ADAMTS10: variants seen among roughly 807,000 people sequenced by gnomAD.
The protein encoded by ADAMTS10 is A disintegrin and metalloproteinase with thrombospondin motifs 10.
In ADAMTS10, 48 loss-of-function variants were observed where a neutral mutation model predicts 135.9. The ratio of observed to expected loss-of-function variants is 0.35; its 90% CI spans 0.28 to 0.45. The LOEUF is 0.45. ADAMTS10 is among the 20% of genes least tolerant of loss of function. ADAMTS10 has a pLI of 1.00. For missense variants in ADAMTS10, 1,131 were observed against 1,565.2 expected (o/e 0.72, Z 4.68); for synonymous variants, 621 against 647.5 (o/e 0.96, Z 0.62).
Position 8,605,523 on chromosome 19 carries a change from GACCCCCA to G in ADAMTS10, c.88+93_88+99del. 1 of 1,267,188 alleles carries G rather than the reference GACCCCCA, an allele frequency of 7.9e-7. No individual in the cohort carries two copies. Among genetic ancestry groups the G allele is most frequent in the Non-Finnish European group, 1.1e-6 (1 of 904,904 alleles). 78.5% of individuals were successfully genotyped at this position (1,267,188 alleles called of 1,614,324 possible). On this transcript the variant is annotated intron_variant, in intron 3 of 25. Transcript: ENST00000597188. The surrounding 1 kb of genome is among the most constrained non-coding windows in gnomAD (Gnocchi z 7.7). ...ATTGACCCCAGGGCCTTCCCCCATTGACCCCCATCCCAGCCCCCTGATGCCTCTTTCT... is the reference window on the plus strand; with the variant it reads ...ATTGACCCCAGGGCCTTCCCCCATTGTCCCAGCCCCCTGATGCCTCTTTCT...
intron 1 of ADAMTS10, among the ~76,000 whole-genome samples, chr19:8,608,571 T>C (rs750521395): frequency 2.0e-5 from 3 of 152,056 alleles, no homozygotes; most frequent in South Asian, 4.1e-4. Flanking sequence ...AACATTCTCA[T>C]TGCAAGTGAA....
At chr19:8,594,349 A>G (rs1221599239) in intron 12 of ADAMTS10, among the ~76,000 whole-genome samples, 16 of 152,312 alleles carry the variant, frequency 1.1e-4, no homozygotes. Flanking sequence ...ACTTGCACCA[A>G]TGCCATTATG....
chr19:8,591,113 T>A (rs1013654203), intron 15 of ADAMTS10, among the ~76,000 whole-genome samples: 1 of 152,014 alleles, frequency 6.6e-6, no homozygotes, highest in Non-Finnish European at 1.5e-5. Flanking sequence ...CAGACACCTG[T>A]CACTGGGTTT....
intron 2 of ADAMTS10, among the ~76,000 whole-genome samples, chr19:8,607,837 A>T: frequency 6.8e-6 from 1 of 146,090 alleles, no homozygotes. Context: ...TTTGAGACGG[A>T]GTCTCACTCT....
intron 13 of ADAMTS10, 22 bp downstream of exon 13, chr19:8,592,741 G>A (rs553894104): frequency 3.7e-6 from 6 of 1,600,484 alleles, no homozygotes; most frequent in South Asian, 3.3e-5. Context: ...TGGCCCAGTT[G>A]GGGGCCCTGG....
rs1198012905 is a variant in ADAMTS10, at chr19:8,595,521, A to G, written c.1479+241T>C. On this transcript the variant is annotated intron_variant, in intron 12 of 25. Coordinates refer to ENST00000597188, the MANE Select transcript of ADAMTS10 (RefSeq NM_030957.4). ...GCTGGCCCCCCAGCCCAGCCCTCAA[A>G]TCAGGGGTCTGGAGAAGCAGGTGAT... 7.0e-6 allele frequency: 4 copies of G among 572,258 alleles called. No individual in the cohort carries two copies. The African/African-American group carries it at 7.4e-5, about 11-fold the overall frequency. The allele number at this position is 572,258 out of a possible 1,614,324, so 35.4% of individuals were successfully genotyped here. A position where few individuals can be genotyped will look rare whatever the true frequency, so the allele number is the denominator to read the frequency against.
At chr19:8,600,838 G>C in intron 6 of ADAMTS10, 90 bp downstream of exon 6, 1 of 1,498,612 alleles carries the variant, frequency 6.7e-7, no homozygotes, top group Non-Finnish European at 9.2e-7. Context: ...GTCAGGGATT[G>C]GGGTGGGATG....
At chr19:8,594,586 G>C (rs2042581691) in intron 12 of ADAMTS10, among the ~76,000 whole-genome samples, 1 of 152,120 alleles carries the variant, frequency 6.6e-6, no homozygotes, top group African/African-American at 2.4e-5. Context: ...AATTTAGAGA[G>C]TCATGAGAGA....
In ADAMTS10 at chr19:8,605,115, C is replaced by A; in HGVS notation, c.332G>T (p.Gly111Val). 1 of 1,613,370 alleles carries A rather than the reference C, an allele frequency of 6.2e-7. No homozygotes were observed. Among genetic ancestry groups the A allele is most frequent in the Non-Finnish European group, 8.5e-7 (1 of 1,179,810 alleles). Residue 111 changes from glycine to valine, a missense_variant, in exon 4 of 26, where the codon GGC becomes GTC. By Grantham distance (109) the Gly-to-Val change is moderately radical (BLOSUM62 -3). Coordinates refer to ENST00000597188, the MANE Select transcript of ADAMTS10 (RefSeq NM_030957.4). The surrounding 1 kb of genome is among the most constrained non-coding windows in gnomAD (Gnocchi z 7.7). The stretch of plus-strand genomic sequence containing the variant: ...CCGGGCCGCCCTCTGCCAGGCCAGG[C>A]CCTCCCGTGTCCAGTACTCCACGGA... The part of the protein sequence containing the change: ...HVSVEYWTRE[G>V]LAWQRAARPH...
At chr19:8,583,604 T>C (rs1555736220) in intron 25 of ADAMTS10, among the ~76,000 whole-genome samples, 2 of 151,980 alleles carry the variant, frequency 1.3e-5, no homozygotes, top group African/African-American at 2.4e-5. Context: ...CCCAGCACTT[T>C]GGGAGGCCGA....
chr19:8,600,795 G>T (rs1296369094), intron 6 of ADAMTS10, 133 bp downstream of exon 6: 8 of 1,181,550 alleles, frequency 6.8e-6, no homozygotes, highest in Non-Finnish European at 9.8e-6. Flanking sequence ...ACCGCGCCCG[G>T]CCTGCAACCT....
At chr19:8,593,127 T>C (rs2146072164) in intron 12 of ADAMTS10, 1 of 551,050 alleles carries the variant, frequency 1.8e-6, no homozygotes, top group East Asian at 3.1e-5. Flanking sequence ...CTACCCCATC[T>C]TACTGGGAGA....
intron 6 of ADAMTS10, among the ~76,000 whole-genome samples, chr19:8,600,432 C>T (rs911183192): frequency 6.7e-6 from 1 of 149,098 alleles, no homozygotes; most frequent in Admixed American, 6.7e-5. Flanking sequence ...ACCTACCTAC[C>T]TTCCTTCCTT....
intron 4 of ADAMTS10, among the ~76,000 whole-genome samples, chr19:8,604,775 C>A (rs1555742171): frequency 1.3e-5 from 2 of 152,246 alleles, no homozygotes; most frequent in African/African-American, 4.8e-5. Context: ...CATAAGTCAC[C>A]ATGCCCAGCC....
rs781954391 is a variant in ADAMTS10 at position 8,605,042 on chromosome 19, G to A, written c.405C>T (p.Ser135=). 2.5e-6 allele frequency: 4 copies of A among 1,610,068 alleles called. No homozygotes were observed. The highest frequency in any genetic ancestry group is 1.7e-5 in the Admixed American group (1 of 59,460). Residue 135 remains serine (S), a synonymous_variant, in exon 4 of 26, where the codon TCC becomes TCT. Coordinates refer to ENST00000597188, the MANE Select transcript of ADAMTS10 (RefSeq NM_030957.4). The surrounding 1 kb of genome is among the most constrained non-coding windows in gnomAD (Gnocchi z 7.7). ...AGHLQGQASS[S]HVAISTCGGL... is the part of the protein sequence containing the mutation. ...CTCCACAGGTGCTGATGGCCACATG[G>A]GAGCTGCTGGCCTGGCCCTGCAGGT... is the stretch of plus-strand genomic sequence containing the variant.
chr19:8,605,616 C>T lies in ADAMTS10; in HGVS notation c.88+7G>A. 1.2e-6 allele frequency: 2 copies of T among 1,613,232 alleles called. No individual in the cohort carries two copies. Among genetic ancestry groups the T allele is most frequent in the Middle Eastern group, 3.3e-4 (2 of 6,060 alleles). ...CCTCCCCACCGCCACCACCAGACTTCCCCTACCTTGAGACCGGAAGGCGTG... is the reference window on the plus strand; with the variant it reads ...CCTCCCCACCGCCACCACCAGACTTTCCCTACCTTGAGACCGGAAGGCGTG... On this transcript the variant is annotated splice_region_variant and intron_variant, in intron 3 of 25. Coordinates refer to ENST00000597188, the MANE Select transcript of ADAMTS10 (RefSeq NM_030957.4). This position sits in a 1 kb window ranked among gnomAD's most constrained non-coding sequence, Gnocchi z 7.7.
chr19:8,605,250 C>T lies in ADAMTS10; in HGVS notation c.197G>A (p.Arg66His), dbSNP rs781838080. 18 of 1,613,052 alleles carry T rather than the reference C, an allele frequency of 1.1e-5. No homozygotes were observed. The highest frequency in any genetic ancestry group is 4.4e-5 in the South Asian group (4 of 91,006). Residue 66 changes from arginine (R) to histidine (H), a missense_variant, in exon 4 of 26, where the codon CGC becomes CAC. Arg to His is a conservative substitution (Grantham distance 29). Transcript: ENST00000597188. This position sits in a 1 kb window ranked among gnomAD's most constrained non-coding sequence, Gnocchi z 7.7. ...GGACTCGGCTGTGGCCCCCGTGCCG[C>T]GGCGCTGCCTCCGGGGAGGAGGTGG... ...FSPPPPRRQR[R>H]GTGATAESRL... is the part of the protein sequence containing the mutation.
chr19:8,605,221 G>C lies in ADAMTS10; in HGVS notation c.226C>G (p.Leu76Val). ...CTGGGCGAGGCCACTTTGTAGAAGA[G>C]GCGGGACTCGGCTGTGGCCCCCGTG... ...RGTGATAESR[L>V]FYKVASPSTH... Residue 76 changes from leucine (L) to valine (V), a missense_variant, in exon 4 of 26, where the codon CTC becomes GTC. Physicochemically the swap from Leu to Val is conservative, Grantham distance 32. Around this residue, in one of 3 missense-constraint regions of ADAMTS10, gnomAD observed 306 missense variants for 344.4 expected, o/e 0.89. Transcript: ENST00000597188. The surrounding 1 kb of genome is among the most constrained non-coding windows in gnomAD (Gnocchi z 7.7). 1 of 1,613,822 alleles carries C rather than the reference G, an allele frequency of 6.2e-7. No homozygotes were observed. Among genetic ancestry groups the C allele is most frequent in the South Asian group, 1.1e-5 (1 of 91,072 alleles).
intron 1 of ADAMTS10, among the ~76,000 whole-genome samples, chr19:8,609,244 G>GTGTC (rs1408269492): frequency 2.0e-5 from 3 of 149,422 alleles, no homozygotes; most frequent in Non-Finnish European, 4.5e-5. Context: ...CTGTGTGTGT[G>GTGTC]TGTGTGTGTG....
Sources: gnomAD v4.1 joint callset for allele counts (sites outside exome capture counted in the v4.1 genomes callset) on GRCh38, gnomAD v4.1.1 for gene constraint, gnomAD v4.1.1 regional missense constraint, Gnocchi (gnomAD v3.1) non-coding constraint, MANE v1.5 for transcripts, NCBI Gene and HGNC (gene_info 2026-07-23, HGNC 2026-07-21) for gene names.